PLCXD3: variants seen among roughly 807,000 people sequenced by gnomAD.
PLCXD3 encodes the protein phosphatidylinositol specific phospholipase C X domain containing 3.
A neutral mutation model predicts 25.5 loss-of-function variants in PLCXD3; 19 were observed. The observed-to-expected ratio is 0.75, with a 90% CI of 0.52 to 1.09. The LOEUF (loss-of-function observed/expected upper bound fraction) is 1.09. Ranked by LOEUF, PLCXD3 falls within the 50% of genes least tolerant of loss-of-function variation. The pLI is 0.00. For missense variants in PLCXD3, 411 were observed against 388.1 expected (o/e 1.06, Z -0.50); for synonymous variants, 174 against 137.6 (o/e 1.26, Z -1.85).
At chr5:41,424,641 C>A (rs147518814) in intron 1 of PLCXD3, among the ~76,000 whole-genome samples, 3 of 152,152 alleles carry the variant, frequency 2.0e-5, no homozygotes, top group Admixed American at 2.0e-4. Flanking sequence ...TTCTTTGATG[C>A]AAGAAATATT....
chr5:41,394,106 A>G (rs1745925383), intron 1 of PLCXD3, among the ~76,000 whole-genome samples: 1 of 152,186 alleles, frequency 6.6e-6, no homozygotes, highest in South Asian at 2.1e-4. Context: ...AGACAGTATA[A>G]TAAAATATAA....
At chr5:41,402,793 G>T (rs1302481090) in intron 1 of PLCXD3, among the ~76,000 whole-genome samples, 4 of 126,166 alleles carry the variant, frequency 3.2e-5, no homozygotes, top group Non-Finnish European at 5.3e-5. Flanking sequence ...TCTTTAATAT[G>T]AAAAGTTTCT....
intron 1 of PLCXD3, among the ~76,000 whole-genome samples, chr5:41,465,098 A>G (rs1246677929): frequency 6.6e-6 from 1 of 151,848 alleles, no homozygotes; most frequent in Non-Finnish European, 1.5e-5. Flanking sequence ...TTTATTGTAA[A>G]ATTGTTTCTG....
intron 1 of PLCXD3, among the ~76,000 whole-genome samples, chr5:41,493,481 T>C (rs1189276660): frequency 6.6e-6 from 1 of 152,244 alleles, no homozygotes; most frequent in East Asian, 1.9e-4. Flanking sequence ...ACAGGGACAT[T>C]TAAGTCTGCA....
chr5:41,336,137 C>T (rs1212638215), intron 2 of PLCXD3, among the ~76,000 whole-genome samples: 2 of 152,072 alleles, frequency 1.3e-5, no homozygotes, highest in Admixed American at 6.6e-5. Flanking sequence ...TATTTAACTT[C>T]CCCAATTCTC....
At chr5:41,335,956 G>C (rs953893463) in intron 2 of PLCXD3, among the ~76,000 whole-genome samples, 3 of 152,062 alleles carry the variant, frequency 2.0e-5, no homozygotes, top group Middle Eastern at 3.2e-3. Flanking sequence ...ATGTTCCGTG[G>C]ACTCTCACAA....
chr5:41,491,015 A>T (rs2150525512), intron 1 of PLCXD3, among the ~76,000 whole-genome samples: 1 of 151,888 alleles, frequency 6.6e-6, no homozygotes, highest in East Asian at 1.9e-4. Flanking sequence ...TAGTTCTTTT[A>T]ATTGTGATGT....
At chr5:41,482,532 G>A (rs914063684) in intron 1 of PLCXD3, among the ~76,000 whole-genome samples, 1 of 152,234 alleles carries the variant, frequency 6.6e-6, no homozygotes, top group African/African-American at 2.4e-5. Context: ...CACTAAAGAA[G>A]GAGAGACCTA....
At position 41,510,494 on chromosome 5, in the gene PLCXD3, T is replaced by A; in HGVS notation, c.33A>T (p.Lys11Asn). The change falls in exon 1 of 3, where the codon AAA becomes AAT. Residue 11 changes from lysine to asparagine, a missense_variant. Transcript: ENST00000377801. MASSQGKNEL[K>N]LADWMATLPE... ...GCAGAGTTGCCATCCAGTCGGCTAATTTCAGCTCGTTTTTCCCCTGAGACG... is the reference window on the plus strand; with the variant it reads ...GCAGAGTTGCCATCCAGTCGGCTAAATTCAGCTCGTTTTTCCCCTGAGACG... The A allele has an allele frequency of 6.2e-7, 1 of 1,613,288 alleles. No individual in the cohort carries two copies. The highest frequency in any genetic ancestry group is 1.7e-4 in the Middle Eastern group (1 of 6,056).
intron 2 of PLCXD3, among the ~76,000 whole-genome samples, chr5:41,380,755 G>A (rs890111993): frequency 6.6e-6 from 1 of 152,080 alleles, no homozygotes; most frequent in Non-Finnish European, 1.5e-5. Flanking sequence ...AAATGTCAGT[G>A]AAAGATAAAA....
intron 1 of PLCXD3, among the ~76,000 whole-genome samples, chr5:41,409,057 CT>C: frequency 6.6e-6 from 1 of 152,216 alleles, no homozygotes; most frequent in East Asian, 1.9e-4. Flanking sequence ...AACCCAGTTG[CT>C]TGTGTCATTA....
At chr5:41,392,207 A>C (rs1258244022) in intron 1 of PLCXD3, among the ~76,000 whole-genome samples, 1 of 152,174 alleles carries the variant, frequency 6.6e-6, no homozygotes, top group East Asian at 1.9e-4. Context: ...TTGAGTGAAC[A>C]TAGCCAAGGA....
intron 2 of PLCXD3, among the ~76,000 whole-genome samples, chr5:41,352,412 T>C (rs1744490658): frequency 6.6e-6 from 1 of 152,188 alleles, no homozygotes; most frequent in South Asian, 2.1e-4. Context: ...CTTTGTGAGG[T>C]TTTTCTGGAA....
rs71608605 is a variant in PLCXD3, at chr5:41,372,298, TCACACACACACACA to T, written c.812+9514_812+9527del. Among the ~76,000 whole-genome samples, 349 of 110,778 alleles carry T rather than the reference TCACACACACACACA, an allele frequency of 3.2e-3. 2 individuals carry two copies. Among genetic ancestry groups the T allele is most frequent in the East Asian group, 0.021 (84 of 3,986 alleles). The allele number at this position is 110,778 out of a possible 152,430, so 72.7% of individuals were successfully genotyped here. A position where few individuals can be genotyped will look rare whatever the true frequency, so the allele number is the denominator to read the frequency against. On this transcript the variant is annotated intron_variant, in intron 2 of 2. Transcript: ENST00000377801. ...TTCATTCTCTCTCTCTCTCTCTCTC[TCACACACACACACA>T]CACACACACACACACACACACACAC... is the stretch of plus-strand genomic sequence containing the variant.
intron 1 of PLCXD3, among the ~76,000 whole-genome samples, chr5:41,427,434 T>C (rs1580368047): frequency 6.6e-6 from 1 of 152,298 alleles, no homozygotes; most frequent in Middle Eastern, 3.4e-3. Flanking sequence ...AAAATATTTT[T>C]AGTATTTTCT....
chr5:41,360,172 C>T (rs1047725481), intron 2 of PLCXD3, among the ~76,000 whole-genome samples: 5 of 151,966 alleles, frequency 3.3e-5, no homozygotes, highest in Non-Finnish European at 5.9e-5. Flanking sequence ...CTAAGTGTGT[C>T]CTTGATTTTC....
chr5:41,318,433 A>G (rs1743363916), intron 2 of PLCXD3, among the ~76,000 whole-genome samples: 1 of 152,092 alleles, frequency 6.6e-6, no homozygotes, highest in African/African-American at 2.4e-5. Flanking sequence ...AAACAACAAA[A>G]TGTTTAAAAG....
rs1313570359 is a variant in PLCXD3, at chr5:41,313,475, G to C, written c.*142C>G. On this transcript the variant is annotated 3_prime_UTR_variant, in exon 3 of 3. Transcript: ENST00000377801. The stretch of plus-strand genomic sequence containing the variant: ...TATGATTGTAATCACTGAAGAAACA[G>C]TTTTTCCCCTTTTCCCACCCACTAC... 3.4e-6 allele frequency: 3 copies of C among 877,544 alleles called. No homozygotes were observed. In the South Asian group the frequency reaches 5.3e-5, roughly 16 times the overall value. 54.4% of individuals were successfully genotyped at this position (877,544 alleles called of 1,614,324 possible).
At chr5:41,372,349 C>A (rs1745128026) in intron 2 of PLCXD3, among the ~76,000 whole-genome samples, 1 of 135,754 alleles carries the variant, frequency 7.4e-6, no homozygotes, top group African/African-American at 2.8e-5. Flanking sequence ...CACACACACA[C>A]CAGGCACTGA....
Sources: allele counts gnomAD v4.1 joint callset (sites outside exome capture counted in the v4.1 genomes callset), GRCh38; gene constraint gnomAD v4.1.1; transcripts MANE v1.5; gene names NCBI Gene and HGNC (gene_info 2026-07-23, HGNC 2026-07-21).